The following AHCTF1 variants were observed in gnomAD, a reference collection of about 807,000 sequenced individuals.
The protein encoded by AHCTF1 is AT-hook containing transcription factor 1.
In AHCTF1, 24 loss-of-function variants were observed where a neutral mutation model predicts 248.4. The ratio of observed to expected loss-of-function variants is 0.10; its 90% CI spans 0.07 to 0.14. The LOEUF is 0.14. AHCTF1 is among the 10% of genes least tolerant of loss of function. The pLI, the probability that AHCTF1 is intolerant of heterozygous loss-of-function variation, is 1.00. For missense variants in AHCTF1, 2,206 were observed against 2,636.2 expected (o/e 0.84, Z 3.57); for synonymous variants, 786 against 929.8 (o/e 0.85, Z 2.81).
In AHCTF1 at chr1:246,907,682, C is replaced by G. The variant is rs766698659; in HGVS notation, c.633G>C (p.Leu211=). ...RESVMRQGRH[L]CFQLVSPTGT... is the part of the protein sequence containing the mutation. ...CTGTTGGACTTACTAACTGGAAACA[C>G]AGATGGCGCCCTTGTCTCATTACAC... is the stretch of plus-strand genomic sequence containing the variant. The change falls in exon 5 of 36, where the codon CTG becomes CTC. Residue 211 remains leucine (L), a synonymous_variant. Transcript: ENST00000648844. 1 of 1,613,970 alleles carries G rather than the reference C, an allele frequency of 6.2e-7. No homozygotes were observed. The highest frequency in any genetic ancestry group is 8.5e-7 in the Non-Finnish European group (1 of 1,179,924).
chr1:246,881,837 CA>C (rs541141857), intron 21 of AHCTF1, among the ~76,000 whole-genome samples: 30,394 of 76,048 alleles, frequency 0.4, 3,668 homozygotes, highest in African/African-American at 0.51. Context: ...GGCTCCGTCT[CA>C]AAAAAAAAAA....
intron 4 of AHCTF1, 74 bp downstream of exon 4, chr1:246,913,158 T>G: frequency 7.6e-7 from 1 of 1,318,900 alleles, no homozygotes; most frequent in Non-Finnish European, 1.0e-6. Flanking sequence ...ATAAAAAAAT[T>G]TGGCTACTTT....
rs763691860 is a variant in AHCTF1, at chr1:246,847,303, AAAC to A, written c.6391+2309_6391+2311del. On this transcript the variant is annotated intron_variant, in intron 33 of 35. Coordinates refer to ENST00000648844, the MANE Select transcript of AHCTF1 (RefSeq NM_001323342.2). ...AAACTCCATCTCAAAAAAAAAAAACAAACAAAAAAAAAACTGAAAATGCTCATG... is the reference window on the plus strand; with the variant it reads ...AAACTCCATCTCAAAAAAAAAAAACAAAAAAAAAAACTGAAAATGCTCATG... Among the ~76,000 whole-genome samples, 28 of 109,552 alleles carry A rather than the reference AAAC, an allele frequency of 2.6e-4. 1 individual carries two copies. The highest frequency in any genetic ancestry group is 5.1e-4 in the East Asian group (2 of 3,944). 71.9% of individuals were successfully genotyped at this position (109,552 alleles called of 152,430 possible).
chr1:246,861,643 C>G (rs556643290), intron 28 of AHCTF1, among the ~76,000 whole-genome samples: 7 of 152,024 alleles, frequency 4.6e-5, no homozygotes, highest in Non-Finnish European at 1.0e-4. Flanking sequence ...AAGGTAAAAA[C>G]AAAGATAAAA....
intron 4 of AHCTF1, among the ~76,000 whole-genome samples, chr1:246,912,490 A>C (rs933080045): frequency 1.3e-5 from 2 of 151,976 alleles, no homozygotes; most frequent in Non-Finnish European, 2.9e-5. Context: ...TCCAAAAAAA[A>C]AAAACAAAAC....
intron 33 of AHCTF1, among the ~76,000 whole-genome samples, chr1:246,845,988 G>C (rs1660230329): frequency 6.6e-6 from 1 of 151,368 alleles, no homozygotes; most frequent in Admixed American, 6.6e-5. Context: ...TGGGTGATGT[G>C]AGTGCACAGT....
chr1:246,855,862 G>T (rs759399677), intron 30 of AHCTF1, 35 bp from the exon 31 acceptor site: 5 of 1,530,750 alleles, frequency 3.3e-6, no homozygotes, highest in Non-Finnish European at 4.5e-6. Flanking sequence ...TAGTGTGTAA[G>T]AAGATCCCAT....
intron 6 of AHCTF1, among the ~76,000 whole-genome samples, chr1:246,905,266 G>A (rs1264724638): frequency 6.6e-6 from 1 of 152,156 alleles, no homozygotes; most frequent in Non-Finnish European, 1.5e-5. Context: ...TTGGGAGGCT[G>A]AGGCGGGCAG....
Position 246,881,862 on chromosome 1 carries a change from C to CA in AHCTF1, c.2660+3630dup, listed in dbSNP as rs773882926. Among the ~76,000 whole-genome samples, 488 of 134,058 alleles carry CA rather than the reference C, an allele frequency of 3.6e-3. 1 individual carries two copies. The highest frequency in any genetic ancestry group is 5.1e-3 in the South Asian group (20 of 3,958). 87.9% of individuals were successfully genotyped at this position (134,058 alleles called of 152,430 possible). A position where few individuals can be genotyped will look rare whatever the true frequency, so the allele number is the denominator to read the frequency against. ...CAAAAAAAAAAACCAAAAAAAAAAA[C>CA]AAAAAAAAAAGAAGAAGGGTCTCCT... On this transcript the variant is annotated intron_variant, in intron 21 of 35. Coordinates refer to ENST00000648844, the MANE Select transcript of AHCTF1 (RefSeq NM_001323342.2).
rs758260839 is a variant in AHCTF1, at chr1:246,862,153, T to G, written c.3541A>C (p.Lys1181Gln). The change falls in exon 28 of 36, where the codon AAA becomes CAA. Residue 1181 changes from lysine (K) to glutamine (Q), a missense_variant and splice_region_variant. Lys to Gln is a moderately conservative substitution (Grantham distance 53, BLOSUM62 1). Around this residue, in one of 6 missense-constraint regions of AHCTF1, gnomAD observed 955 missense variants for 1,055.6 expected, o/e 0.90. Transcript: ENST00000648844. Reference sequence around the variant, plus strand: ...ACTGACATGGCCAAACTTTTAGCTTTCTATAGTAAAGAGCAAATGGAATTA... The same window carrying G: ...ACTGACATGGCCAAACTTTTAGCTTGCTATAGTAAAGAGCAAATGGAATTA... The part of the protein sequence containing the change: ...HLLETPLVVK[K>Q]AKSLAMSVTT... 1 of 1,608,450 alleles carries G rather than the reference T, an allele frequency of 6.2e-7. No homozygotes were observed. The highest frequency in any genetic ancestry group is 1.7e-5 in the Admixed American group (1 of 58,754).
At position 246,929,897 on chromosome 1, in the gene AHCTF1, C is replaced by CA. The variant is rs1667213592; in HGVS notation, c.-8+1680dup. Among the ~76,000 whole-genome samples the CA allele has an allele frequency of 5.9e-5, 9 of 152,124 alleles. No individual in the cohort carries two copies. In the South Asian group the frequency reaches 1.7e-3, roughly 28 times the overall value. ...TGAAACCCCGTCTCTACTAAAAATA[C>CA]AAAAATTAGCCGGGTGTGGTGGCGT... On this transcript the variant is annotated intron_variant, in intron 1 of 35. Coordinates refer to ENST00000648844, the MANE Select transcript of AHCTF1 (RefSeq NM_001323342.2).
chr1:246,905,109 T>C (rs1321018371), intron 6 of AHCTF1, among the ~76,000 whole-genome samples: 4 of 152,238 alleles, frequency 2.6e-5, no homozygotes, highest in Non-Finnish European at 4.4e-5. Context: ...TTTCAACTAC[T>C]ACTCACTAAT....
intron 24 of AHCTF1, among the ~76,000 whole-genome samples, chr1:246,874,821 CA>C (rs1193621108): frequency 6.6e-6 from 1 of 152,154 alleles, no homozygotes; most frequent in East Asian, 1.9e-4. Context: ...TAAAAAGTTA[CA>C]AAAAAACCTG....
intron 30 of AHCTF1, among the ~76,000 whole-genome samples, chr1:246,857,272 AAC>A (rs1474176516): frequency 6.6e-6 from 1 of 152,214 alleles, no homozygotes; most frequent in Non-Finnish European, 1.5e-5. Context: ...GTCGTTAAAA[AAC>A]ACAAACTTAG....
intron 7 of AHCTF1, among the ~76,000 whole-genome samples, chr1:246,902,903 T>A (rs1160079638): frequency 6.6e-6 from 1 of 152,210 alleles, no homozygotes; most frequent in South Asian, 2.1e-4. Context: ...CTAAAGTTAT[T>A]TAACACAGAA....
At chr1:246,906,829 A>G (rs1006576760) in intron 5 of AHCTF1, among the ~76,000 whole-genome samples, 2 of 152,162 alleles carry the variant, frequency 1.3e-5, no homozygotes, top group African/African-American at 4.8e-5. Context: ...AATTTAAAAC[A>G]CAAGTATTTT....
chr1:246,853,111 G>A lies in AHCTF1; in HGVS notation c.4543C>T (p.Pro1515Ser), dbSNP rs767000209. 6.2e-7 allele frequency: 1 copy of A among 1,609,124 alleles called. No homozygotes were observed. Residue 1515 changes from proline to serine, a missense_variant, in exon 32 of 36, where the codon CCT (proline) becomes TCT (serine). Pro to Ser is a moderately conservative substitution (Grantham distance 74). This residue lies in a region of AHCTF1 where 955 missense variants were observed against 1,055.6 expected (regional missense o/e 0.90). Coordinates refer to ENST00000648844, the MANE Select transcript of AHCTF1 (RefSeq NM_001323342.2). ...TTTACATGAATTTCTTGAGTATCAG[G>A]AGGGCTGTCAGAAATTGGAAGCTTT... ...EEKLPISDSPPDTQEIHVIEQ... is the reference protein window; with the variant it reads ...EEKLPISDSPSDTQEIHVIEQ...
In AHCTF1 at chr1:246,931,626, G is replaced by T. The variant is rs1452644309; in HGVS notation, c.-56C>A. 1 of 155,500 alleles carries T rather than the reference G, an allele frequency of 6.4e-6. No homozygotes were observed. Among genetic ancestry groups the T allele is most frequent in the South Asian group, 1.8e-4 (1 of 5,452 alleles). 9.6% of individuals were successfully genotyped at this position (155,500 alleles called of 1,614,324 possible). On this transcript the variant is annotated 5_prime_UTR_variant, in exon 1 of 36. Coordinates refer to ENST00000648844, the MANE Select transcript of AHCTF1 (RefSeq NM_001323342.2). The stretch of plus-strand genomic sequence containing the variant: ...CGCCGCGGGCCGAGTCCACCGGGTC[G>T]CCAGGCCAGGCGCGAGCTCCTCCCG...
rs753539284 is a variant in AHCTF1, at chr1:246,864,081, G to C, written c.3383C>G (p.Pro1128Arg). 1.2e-6 allele frequency: 2 copies of C among 1,614,010 alleles called. No homozygotes were observed. Among genetic ancestry groups the C allele is most frequent in the Admixed American group, 1.7e-5 (1 of 59,990 alleles). Residue 1128 changes from proline (P) to arginine (R), a missense_variant, in exon 27 of 36, where the codon CCT becomes CGT. Transcript: ENST00000648844. ...LDLVVQPVPR[P>R]SQCSEFIQQS... The stretch of plus-strand genomic sequence containing the variant: ...CTGAATAAACTCCGAACACTGAGAA[G>C]GCCGGGGGACAGGCTGAACAACCAA...
Sources: allele counts gnomAD v4.1 joint callset (sites outside exome capture counted in the v4.1 genomes callset), GRCh38; gene constraint gnomAD v4.1.1; regional missense constraint gnomAD v4.1.1; transcripts MANE v1.5; gene names NCBI Gene and HGNC (gene_info 2026-07-23, HGNC 2026-07-21).